The following PHETA1 variants were observed in gnomAD, a reference collection of about 807,000 sequenced individuals.
The protein encoded by PHETA1 is sesquipedalian-1.
For synonymous variants in PHETA1, 155 were observed against 168.9 expected (o/e 0.92, Z 0.64); for missense variants, 348 against 373.5 (o/e 0.93, Z 0.56).
chr12:111,362,322 C>T lies in PHETA1; in HGVS notation c.*356G>A, dbSNP rs1310746024. The T allele has an allele frequency of 2.0e-6, 1 of 489,696 alleles. No individual in the cohort carries two copies. Among genetic ancestry groups the T allele is most frequent in the Non-Finnish European group, 3.7e-6 (1 of 267,796 alleles). The allele number at this position is 489,696 out of a possible 1,614,324, so 30.3% of individuals were successfully genotyped here. A position where few individuals can be genotyped will look rare whatever the true frequency, so the allele number is the denominator to read the frequency against. On this transcript the variant is annotated 3_prime_UTR_variant, in exon 3 of 3. Coordinates refer to ENST00000683047, the MANE Select transcript of PHETA1 (RefSeq NM_144671.6). ...CAGATCGCCCTCAGTCCCAGTGACC[C>T]TCTGAGCTGCAGGCCCGGCAATGCC...
rs776761446 is a variant in PHETA1, at chr12:111,363,064, C to G, written c.364G>C (p.Glu122Gln). The part of the protein sequence containing the change: ...SFDYLRLVVR[E>Q]LEQQLAAVRG... ...ACAGCCGCCAGCTGCTGCTCCAGCT[C>G]GCGCACCACCAGCCGCAGGTAGTCG... Residue 122 changes from glutamate to glutamine, a missense_variant, in exon 3 of 3, where the codon GAG (glutamate) becomes CAG (glutamine). Glu to Gln is a conservative substitution (Grantham distance 29). Coordinates refer to ENST00000683047, the MANE Select transcript of PHETA1 (RefSeq NM_144671.6). This position sits in a 1 kb window ranked among gnomAD's most constrained non-coding sequence, Gnocchi z 7.4. 5.7e-6 allele frequency: 9 copies of G among 1,571,942 alleles called. No homozygotes were observed. The highest frequency in any genetic ancestry group is 7.7e-6 in the Non-Finnish European group (9 of 1,163,498).
At chr12:111,364,763 C>CAAA (rs796346343) in intron 2 of PHETA1, among the ~76,000 whole-genome samples, 1 of 117,880 alleles carries the variant, frequency 8.5e-6, no homozygotes. Context: ...GACTCCATCT[C>CAAA]AAAAAAAAAA....
At position 111,361,275 on chromosome 12, in the gene PHETA1, T is replaced by TCAGA. The variant is rs1325501994; in HGVS notation, c.*1399_*1402dup. On this transcript the variant is annotated 3_prime_UTR_variant, in exon 3 of 3. Transcript: ENST00000683047. ...AAAATGAACCCTAAGTATTTAAAAT[T>TCAGA]CAGACGGAAGTCCCAGCCCACCGGG... The TCAGA allele has an allele frequency of 6.6e-6, 1 of 152,200 alleles. No individual in the cohort carries two copies. Among genetic ancestry groups the TCAGA allele is most frequent in the Non-Finnish European group, 1.5e-5 (1 of 68,130 alleles). 9.4% of individuals were successfully genotyped at this position (152,200 alleles called of 1,614,324 possible).
rs1304239046 is a variant in PHETA1, at chr12:111,362,360, A to G, written c.*318T>C. ...GCCCGGCAATGCCTGTTGCCAGCAC[A>G]GGCCTCTGCCCGGCAGCTCAGGCCA... On this transcript the variant is annotated 3_prime_UTR_variant, in exon 3 of 3. Transcript: ENST00000683047. The G allele has an allele frequency of 1.8e-5, 10 of 570,768 alleles. No individual in the cohort carries two copies. Among genetic ancestry groups the G allele is most frequent in the Non-Finnish European group, 2.7e-5 (9 of 327,560 alleles). The allele number at this position is 570,768 out of a possible 1,614,324, so 35.4% of individuals were successfully genotyped here. A position where few individuals can be genotyped will look rare whatever the true frequency, so the allele number is the denominator to read the frequency against.
Position 111,363,023 on chromosome 12 carries a change from G to A in PHETA1, c.405C>T (p.Gly135=), listed in dbSNP as rs1868767300. 3.2e-6 allele frequency: 3 copies of A among 937,164 alleles called. No homozygotes were observed. Among genetic ancestry groups the A allele is most frequent in the Non-Finnish European group, 4.1e-6 (3 of 739,596 alleles). 58.1% of individuals were successfully genotyped at this position (937,164 alleles called of 1,614,324 possible). ...GGGGCTGGGGCTGGGGCAGGGCCAT[G>A]CCACCCCCGCCACGTACAGCCGCCA... ...QQLAAVRGGG[G]MALPQPQPQS... is the part of the protein sequence containing the mutation. Residue 135 remains glycine (G), a synonymous_variant, in exon 3 of 3, where the codon GGC becomes GGT. Transcript: ENST00000683047. This position sits in a 1 kb window ranked among gnomAD's most constrained non-coding sequence, Gnocchi z 7.4.
In PHETA1 at chr12:111,367,834, G is replaced by T. The variant is rs895649204; in HGVS notation, c.-182+1078C>A. ...CACACTGTTTTCCAAGAAGTTCAGA[G>T]TCCACTGTGGGCACTGCTGCTGATT... On this transcript the variant is annotated intron_variant, in intron 1 of 2. Coordinates refer to ENST00000683047, the MANE Select transcript of PHETA1 (RefSeq NM_144671.6). This position sits in a 1 kb window ranked among gnomAD's most constrained non-coding sequence, Gnocchi z 4.0. Among the ~76,000 whole-genome samples the T allele has an allele frequency of 1.3e-5, 2 of 152,212 alleles. No homozygotes were observed. Among genetic ancestry groups the T allele is most frequent in the Non-Finnish European group, 2.9e-5 (2 of 68,040 alleles).
Position 111,361,496 on chromosome 12 carries a change from T to C in PHETA1, c.*1182A>G, listed in dbSNP as rs925768204. The C allele has an allele frequency of 1.9e-5, 4 of 205,682 alleles. No homozygotes were observed. Among genetic ancestry groups the C allele is most frequent in the East Asian group, 1.3e-4 (1 of 7,952 alleles). The allele number at this position is 205,682 out of a possible 1,614,324, so 12.7% of individuals were successfully genotyped here. ...TGTGGGGCACTGAGGACTGTAAACATGACCCAGGGTGAGGGCCAGGAGGTG... is the reference window on the plus strand; with the variant it reads ...TGTGGGGCACTGAGGACTGTAAACACGACCCAGGGTGAGGGCCAGGAGGTG... On this transcript the variant is annotated 3_prime_UTR_variant, in exon 3 of 3. Transcript: ENST00000683047.
Position 111,363,604 on chromosome 12 carries a change from A to G in PHETA1, c.-36-141T>C, listed in dbSNP as rs1221329847. On this transcript the variant is annotated intron_variant, in intron 2 of 2. Transcript: ENST00000683047. The surrounding 1 kb of genome is among the most constrained non-coding windows in gnomAD (Gnocchi z 7.4). ...CTCATAGGGTGGAAGCAGCTGGCCT[A>G]TGCGCCCACAACTCCTAAGAAGCAG... is the stretch of plus-strand genomic sequence containing the variant. 8 of 1,533,166 alleles carry G rather than the reference A, an allele frequency of 5.2e-6. No individual in the cohort carries two copies. Among genetic ancestry groups the G allele is most frequent in the East Asian group, 2.4e-5 (1 of 40,902 alleles). The allele number at this position is 1,533,166 out of a possible 1,614,324, so 95.0% of individuals were successfully genotyped here.
At position 111,362,552 on chromosome 12, in the gene PHETA1, TCAG is replaced by T; in HGVS notation, c.*123_*125del. ...CCTGCATCCCCCAAAACCAGGCCAC[TCAG>T]GGCCTGGGGGCCAGCCTTGCCCATG... On this transcript the variant is annotated 3_prime_UTR_variant, in exon 3 of 3. Transcript: ENST00000683047. 5.2e-6 allele frequency: 8 copies of T among 1,534,974 alleles called. 1 individual carries two copies. The South Asian group carries it at 9.6e-5, about 18-fold the overall frequency.
At position 111,365,647 on chromosome 12, in the gene PHETA1, G is replaced by C. The variant is rs188173479; in HGVS notation, c.-37+466C>G. On this transcript the variant is annotated intron_variant, in intron 2 of 2. Coordinates refer to ENST00000683047, the MANE Select transcript of PHETA1 (RefSeq NM_144671.6). ...ATGGAGCTGGAAGCCATCATCCTCA[G>C]CAAACTAACACAGGAACAGAAAACC... 133 of 412,146 alleles carry C rather than the reference G, an allele frequency of 3.2e-4. No individual in the cohort carries two copies. In the East Asian group the frequency reaches 6.3e-3, roughly 20 times the overall value. The allele number at this position is 412,146 out of a possible 1,614,324, so 25.5% of individuals were successfully genotyped here.
rs745739619 is a variant in PHETA1, at chr12:111,363,275, G to A, written c.153C>T (p.Asp51=). The change falls in exon 3 of 3, where the codon GAC becomes GAT. Residue 51 remains aspartate (D), a synonymous_variant. Coordinates refer to ENST00000683047, the MANE Select transcript of PHETA1 (RefSeq NM_144671.6). The surrounding 1 kb of genome is among the most constrained non-coding windows in gnomAD (Gnocchi z 7.4). ...LRGNMLFYFE[D]AASREPVGVI... ...CGCCCACGGGCTCACGGCTGGCAGC[G>A]TCCTCGAAGTAGAAGAGCATGTTCC... The A allele has an allele frequency of 1.4e-5, 22 of 1,613,020 alleles. No homozygotes were observed. Among genetic ancestry groups the A allele is most frequent in the Admixed American group, 3.3e-5 (2 of 59,994 alleles).
chr12:111,364,377 T>C (rs73412352), intron 2 of PHETA1, among the ~76,000 whole-genome samples: 9,274 of 150,606 alleles, frequency 0.062, 459 homozygotes, highest in South Asian at 0.2. Flanking sequence ...ACACGGTCCC[T>C]GCCCTCGTGG....
In PHETA1 at chr12:111,367,126, G is replaced by A. The variant is rs759283393; in HGVS notation, c.-181-869C>T. On this transcript the variant is annotated intron_variant, in intron 1 of 2. Transcript: ENST00000683047. This position sits in a 1 kb window ranked among gnomAD's most constrained non-coding sequence, Gnocchi z 4.0. ...CTCCAGCCATCCTGGCCTCCTTTCT[G>A]TTCCTCAAATACACCAGACACATCC... Among the ~76,000 whole-genome samples the A allele has an allele frequency of 6.6e-6, 1 of 151,284 alleles. No homozygotes were observed. The highest frequency in any genetic ancestry group is 1.5e-5 in the Non-Finnish European group (1 of 67,944).
intron 2 of PHETA1, 145 bp downstream of exon 2, chr12:111,365,968 C>A: frequency 5.7e-6 from 1 of 175,854 alleles, no homozygotes; most frequent in East Asian, 1.9e-4. Flanking sequence ...GTTGAATCCC[C>A]ACCCTGCCTC....
rs1343357752 is a variant in PHETA1 at position 111,362,953 on chromosome 12, C to T, written c.475G>A (p.Val159Ile). 7.5e-6 allele frequency: 11 copies of T among 1,458,106 alleles called. No individual in the cohort carries two copies. In the African/African-American group the frequency reaches 8.6e-5, roughly 11 times the overall value. The allele number at this position is 1,458,106 out of a possible 1,614,324, so 90.3% of individuals were successfully genotyped here. A position where few individuals can be genotyped will look rare whatever the true frequency, so the allele number is the denominator to read the frequency against. The change falls in exon 3 of 3, where the codon GTC (valine) becomes ATC (isoleucine). Residue 159 changes from valine to isoleucine, a missense_variant. Coordinates refer to ENST00000683047, the MANE Select transcript of PHETA1 (RefSeq NM_144671.6). ...PPSLPSALAP[V>I]PSLPSAPAPV... ...GCTGGGGCAGAAGGCAGGGATGGGA[C>T]TGGGGCCAGGGCAGAGGGCAGGGAC...
Position 111,363,577 on chromosome 12 carries a change from C to T in PHETA1, c.-36-114G>A, listed in dbSNP as rs994933351. On this transcript the variant is annotated intron_variant, in intron 2 of 2. Transcript: ENST00000683047. This position sits in a 1 kb window ranked among gnomAD's most constrained non-coding sequence, Gnocchi z 7.4. ...CCCGTTTCACAGATGAGGAAACTGACGCTCATAGGGTGGAAGCAGCTGGCC... is the reference window on the plus strand; with the variant it reads ...CCCGTTTCACAGATGAGGAAACTGATGCTCATAGGGTGGAAGCAGCTGGCC... 61 of 1,529,044 alleles carry T rather than the reference C, an allele frequency of 4.0e-5. No homozygotes were observed. Among genetic ancestry groups the T allele is most frequent in the Non-Finnish European group, 5.1e-5 (58 of 1,141,732 alleles). 94.7% of individuals were successfully genotyped at this position (1,529,044 alleles called of 1,614,324 possible). A position where few individuals can be genotyped will look rare whatever the true frequency, so the allele number is the denominator to read the frequency against.
In PHETA1 at chr12:111,363,804, G is replaced by A. The variant is rs1868855790; in HGVS notation, c.-36-341C>T. 13 of 1,258,094 alleles carry A rather than the reference G, an allele frequency of 1.0e-5. 1 individual carries two copies. The South Asian group carries it at 1.7e-4, about 17-fold the overall frequency. 77.9% of individuals were successfully genotyped at this position (1,258,094 alleles called of 1,614,324 possible). ...GGTCACAGGGACTGGCCTGGCACCA[G>A]TGCAACAGATGAGGAAACAGAGGCA... On this transcript the variant is annotated intron_variant, in intron 2 of 2. Transcript: ENST00000683047. The surrounding 1 kb of genome is among the most constrained non-coding windows in gnomAD (Gnocchi z 7.4).
intron 1 of PHETA1, among the ~76,000 whole-genome samples, chr12:111,366,892 C>G (rs1869066159): frequency 6.6e-6 from 1 of 151,596 alleles, no homozygotes; most frequent in Admixed American, 6.6e-5. Context: ...TAGCAAGACC[C>G]TATCTCTATA....
Position 111,363,327 on chromosome 12 carries a change from T to G in PHETA1, c.101A>C (p.Tyr34Ser). 6.2e-7 allele frequency: 1 copy of G among 1,613,096 alleles called. No homozygotes were observed. The highest frequency in any genetic ancestry group is 2.2e-5 in the East Asian group (1 of 44,872). Residue 34 changes from tyrosine to serine, a missense_variant, in exon 3 of 3, where the codon TAC becomes TCC. Coordinates refer to ENST00000683047, the MANE Select transcript of PHETA1 (RefSeq NM_144671.6). The surrounding 1 kb of genome is among the most constrained non-coding windows in gnomAD (Gnocchi z 7.4). ...GCGCAGCACGAACCAGCGCCGGTGG[T>G]AGGCCGCGTGCCGCCCACCCTTCTT... ...LYKKGGRHAA[Y>S]HRRWFVLRGN...
Sources: allele counts gnomAD v4.1 joint callset (sites outside exome capture counted in the v4.1 genomes callset), GRCh38; gene constraint gnomAD v4.1.1; non-coding constraint Gnocchi (gnomAD v3.1); transcripts MANE v1.5; gene names NCBI Gene and HGNC (gene_info 2026-07-23, HGNC 2026-07-21).